Variants in VWA2 observed in about 807,000 individuals in gnomAD.
VWA2 encodes von Willebrand factor A domain containing 2.
In VWA2, 73 loss-of-function variants were observed where a neutral mutation model predicts 70.4. The observed-to-expected ratio is 1.04, with a 90% CI of 0.86 to 1.26. VWA2 has a LOEUF of 1.26. Among genes scored for constraint, VWA2 ranks in the 50% most tolerant of loss-of-function variants. VWA2 has a pLI of 0.00. For missense variants in VWA2, 1,011 were observed against 998.5 expected (o/e 1.01, Z -0.17); for synonymous variants, 407 against 423.3 (o/e 0.96, Z 0.47).
chr10:114,277,846 C>A, intron 6 of VWA2, 68 bp from the exon 7 acceptor site: 1 of 1,529,620 alleles, frequency 6.5e-7, no homozygotes, highest in Non-Finnish European at 8.9e-7. Context: ...GAACCCACGG[C>A]CTAGAAGATG....
At chr10:114,287,194 C>A (rs758796542) in intron 11 of VWA2, among the ~76,000 whole-genome samples, 3 of 151,916 alleles carry the variant, frequency 2.0e-5, no homozygotes, top group Non-Finnish European at 2.9e-5. Context: ...TCTTTTTTTT[C>A]TTTTGAGACA....
intron 2 of VWA2, among the ~76,000 whole-genome samples, chr10:114,252,701 C>T (rs987171715): frequency 6.6e-6 from 1 of 152,110 alleles, no homozygotes; most frequent in Non-Finnish European, 1.5e-5. Context: ...CAGGTTCAAA[C>T]AGTTCTCCTG....
Position 114,294,030 on chromosome 10 carries a change from C to A in VWA2, c.*2793C>A, listed in dbSNP as rs1049036441. Among the ~76,000 whole-genome samples the A allele has an allele frequency of 2.0e-5, 3 of 152,130 alleles. No homozygotes were observed. The highest frequency in any genetic ancestry group is 7.2e-5 in the African/African-American group (3 of 41,442). ...TGTTGAGATTTATGGTATGCTTTTTCTTCCTCAAGATAATGCATTTTTTGT... is the reference window on the plus strand; with the variant it reads ...TGTTGAGATTTATGGTATGCTTTTTATTCCTCAAGATAATGCATTTTTTGT... On this transcript the variant is annotated 3_prime_UTR_variant, in exon 14 of 14. Coordinates refer to ENST00000392982, the MANE Select transcript of VWA2 (RefSeq NM_001272046.2).
At chr10:114,288,275 G>A (rs899480141) in intron 11 of VWA2, among the ~76,000 whole-genome samples, 18 of 152,072 alleles carry the variant, frequency 1.2e-4, no homozygotes, top group African/African-American at 3.6e-4. Flanking sequence ...GGTCTCTCTC[G>A]AAGTCCCCTG....
rs762332079 is a variant in VWA2 at position 114,261,296 on chromosome 10, G to T, written c.371+1G>T. The stretch of plus-strand genomic sequence containing the variant: ...CAAGAATCAAGAGGATGGTTTTCAA[G>T]TATGTATGATCAGATACTGCTGTGG... On this transcript the variant is annotated splice_donor_variant, in intron 5 of 13. Coordinates refer to ENST00000392982, the MANE Select transcript of VWA2 (RefSeq NM_001272046.2). LOFTEE classifies it high-confidence loss of function. 1 of 1,612,650 alleles carries T rather than the reference G, an allele frequency of 6.2e-7. No individual in the cohort carries two copies.
rs754965928 is a variant in VWA2, at chr10:114,248,765, G to C, written c.52G>C (p.Val18Leu). Residue 18 changes from valine (V) to leucine (L), a missense_variant and splice_region_variant, in exon 2 of 14, where the codon GTG becomes CTG. Val to Leu is a conservative substitution (Grantham distance 32). Transcript: ENST00000392982. ...CGTCTGTGTTTTCCTGTTTTCCAGAGGTAAGATGTGTTTATTGGTGGTGGG... is the reference window on the plus strand; with the variant it reads ...CGTCTGTGTTTTCCTGTTTTCCAGACGTAAGATGTGTTTATTGGTGGTGGG... ...EAVCVFLFSRVPPSLPLQEVH... is the reference protein window; with the variant it reads ...EAVCVFLFSRLPPSLPLQEVH... The C allele has an allele frequency of 6.2e-7, 1 of 1,613,554 alleles. No homozygotes were observed. Among genetic ancestry groups the C allele is most frequent in the East Asian group, 2.2e-5 (1 of 44,882 alleles).
chr10:114,283,622 A>G (rs1222932600), intron 9 of VWA2, among the ~76,000 whole-genome samples: 4 of 152,156 alleles, frequency 2.6e-5, no homozygotes, highest in African/African-American at 9.7e-5. Flanking sequence ...GGGGCATGTG[A>G]CTTCTATTCA....
At chr10:114,278,611 TGTG>T (rs2037906977) in intron 7 of VWA2, 105 bp from the exon 8 acceptor site, 2 of 1,504,838 alleles carry the variant, frequency 1.3e-6, no homozygotes, top group Non-Finnish European at 1.8e-6. Flanking sequence ...AGCCTGGAAG[TGTG>T]GTGGAACCTC....
chr10:114,286,077 G>T lies in VWA2; in HGVS notation c.1136G>T (p.Arg379Leu), dbSNP rs150712002. Reference sequence around the variant, plus strand: ...CGGGCCGTGCTGAGCGAGGACTCTCGGGCCCGAGTGGGTGTGGCCACATAC... The same window carrying T: ...CGGGCCGTGCTGAGCGAGGACTCTCTGGCCCGAGTGGGTGTGGCCACATAC... ...FVRAVLSEDS[R>L]ARVGVATYSR... Residue 379 changes from arginine (R) to leucine (L), a missense_variant, in exon 11 of 14, where the codon CGG (arginine) becomes CTG (leucine). By Grantham distance (102) the Arg-to-Leu change is moderately radical. Transcript: ENST00000392982. The T allele has an allele frequency of 2.5e-6, 4 of 1,614,124 alleles. No individual in the cohort carries two copies. In the South Asian group the frequency reaches 4.4e-5, roughly 18 times the overall value.
intron 6 of VWA2, 122 bp from the exon 7 acceptor site, chr10:114,277,792 G>T: frequency 1.6e-6 from 2 of 1,273,284 alleles, no homozygotes; most frequent in Non-Finnish European, 1.0e-6. Context: ...ACCAGCTATG[G>T]GTCTGACAAA....
chr10:114,277,771 C>A, intron 6 of VWA2, 143 bp from the exon 7 acceptor site: 1 of 1,073,622 alleles, frequency 9.3e-7, no homozygotes. Context: ...TTCCGGTTAA[C>A]TGTTTTCCTC....
chr10:114,258,562 C>T (rs1051717406), intron 4 of VWA2, among the ~76,000 whole-genome samples: 1 of 152,184 alleles, frequency 6.6e-6, no homozygotes, highest in Non-Finnish European at 1.5e-5. Context: ...AAGCTGCTTC[C>T]TTCTTGTTTT....
intron 6 of VWA2, among the ~76,000 whole-genome samples, chr10:114,276,819 T>C (rs1589763870): frequency 6.6e-6 from 1 of 151,968 alleles, no homozygotes; most frequent in African/African-American, 2.4e-5. Context: ...GCACCTGGTC[T>C]CTTTCCGCCT....
At position 114,255,008 on chromosome 10, in the gene VWA2, C is replaced by T; in HGVS notation, c.221C>T (p.Ala74Val). The T allele has an allele frequency of 6.2e-7, 1 of 1,612,954 alleles. No individual in the cohort carries two copies. Among genetic ancestry groups the T allele is most frequent in the East Asian group, 2.2e-5 (1 of 44,866 alleles). The change falls in exon 4 of 14, where the codon GCC (alanine) becomes GTC (valine). Residue 74 changes from alanine (A) to valine (V), a missense_variant. By Grantham distance (64) the Ala-to-Val change is moderately conservative (BLOSUM62 0). Transcript: ENST00000392982. The part of the protein sequence containing the change: ...KGSFERSKHF[A>V]ITVCDGLDIS... ...AGCTTTGAAAGGTCCAAGCACTTTG[C>T]CATCACAGTCTGTGACGGTCTGGAC...
chr10:114,259,193 T>C (rs1253090883), intron 4 of VWA2, among the ~76,000 whole-genome samples: 1 of 152,184 alleles, frequency 6.6e-6, no homozygotes. Flanking sequence ...CCGAAAACAT[T>C]GTATATGTTT....
chr10:114,276,799 G>A (rs1382610014), intron 6 of VWA2, among the ~76,000 whole-genome samples: 5 of 151,558 alleles, frequency 3.3e-5, no homozygotes, highest in South Asian at 2.1e-4. Flanking sequence ...GATAACAGGC[G>A]TGAGCCACTG....
At chr10:114,285,448 A>G (rs1478986386) in intron 10 of VWA2, among the ~76,000 whole-genome samples, 1 of 152,272 alleles carries the variant, frequency 6.6e-6, no homozygotes, top group African/African-American at 2.4e-5. Context: ...CTTGACGCAT[A>G]TAAGGGCTTG....
chr10:114,248,850 C>A, intron 2 of VWA2, 85 bp downstream of exon 2: 1 of 1,288,690 alleles, frequency 7.8e-7, no homozygotes, highest in Non-Finnish European at 1.1e-6. Context: ...ATTTTCAATT[C>A]TAAAGGTCTC....
intron 2 of VWA2, among the ~76,000 whole-genome samples, chr10:114,249,605 C>T (rs187013946): frequency 7.9e-5 from 12 of 152,146 alleles, no homozygotes; most frequent in South Asian, 4.2e-4. Flanking sequence ...TTTTCTGTTC[C>T]GGCATTAGTT....
Sources: allele counts gnomAD v4.1 joint callset (sites outside exome capture counted in the v4.1 genomes callset), GRCh38; gene constraint gnomAD v4.1.1; transcripts MANE v1.5; gene names NCBI Gene and HGNC (gene_info 2026-07-23, HGNC 2026-07-21).